Variants in ZSWIM5 observed in about 807,000 individuals in gnomAD.
ZSWIM5 encodes zinc finger SWIM domain-containing protein 5.
A neutral mutation model predicts 119.6 loss-of-function variants in ZSWIM5; 55 were observed. The ratio of observed to expected loss-of-function variants is 0.46; its 90% confidence interval spans 0.37 to 0.58. The LOEUF is 0.58. Among genes scored for constraint, ZSWIM5 ranks in the 20% least tolerant of loss-of-function variants. ZSWIM5 has a pLI of 0.00. For synonymous variants in ZSWIM5, 537 were observed against 606.9 expected (o/e 0.88, Z 1.69); for missense variants, 1,193 against 1,512.8 (o/e 0.79, Z 3.51).
chr1:45,157,149 G>C (rs76223070), intron 1 of ZSWIM5, among the ~76,000 whole-genome samples: 11 of 151,790 alleles, frequency 7.2e-5, no homozygotes, highest in African/African-American at 2.7e-4. Context: ...GTACTTTTCA[G>C]TAAGGTTTTT....
intron 1 of ZSWIM5, among the ~76,000 whole-genome samples, chr1:45,193,132 G>A (rs1646101754): frequency 6.6e-6 from 1 of 151,780 alleles, no homozygotes; most frequent in African/African-American, 2.4e-5. Context: ...GCTGATCTTT[G>A]GATTATTTGG....
At chr1:45,071,014 T>C (rs559894400) in intron 2 of ZSWIM5, among the ~76,000 whole-genome samples, 1 of 152,270 alleles carries the variant, frequency 6.6e-6, no homozygotes, top group East Asian at 1.9e-4. Flanking sequence ...TAGGTATATA[T>C]ATTTATGGGG....
intron 1 of ZSWIM5, among the ~76,000 whole-genome samples, chr1:45,168,238 A>G (rs1645920585): frequency 6.6e-6 from 1 of 151,452 alleles, no homozygotes; most frequent in East Asian, 1.9e-4. Context: ...AAAACCAAAC[A>G]CCCCGTGTTC....
intron 1 of ZSWIM5, among the ~76,000 whole-genome samples, chr1:45,099,515 G>T (rs1237922580): frequency 2.6e-5 from 4 of 152,074 alleles, no homozygotes; most frequent in Admixed American, 2.0e-4. Context: ...TTCCAATCAA[G>T]AGAAAAACAG....
Position 45,018,401 on chromosome 1 carries a change from A to C in ZSWIM5, c.*53T>G. 2 of 1,582,880 alleles carry C rather than the reference A, an allele frequency of 1.3e-6. No individual in the cohort carries two copies. The highest frequency in any genetic ancestry group is 1.7e-6 in the Non-Finnish European group (2 of 1,164,856). On this transcript the variant is annotated 3_prime_UTR_variant, in exon 14 of 14. Coordinates refer to ENST00000359600, the MANE Select transcript of ZSWIM5 (RefSeq NM_020883.2). The surrounding 1 kb of genome is among the most constrained non-coding windows in gnomAD (Gnocchi z 6.7). ...CAAATGTTTCAGTGCCCTTGGCCTGACCTGATACTACCTGGGAACCCAGGC... is the reference window on the plus strand; with the variant it reads ...CAAATGTTTCAGTGCCCTTGGCCTGCCCTGATACTACCTGGGAACCCAGGC...
chr1:45,183,827 T>C (rs1456640307), intron 1 of ZSWIM5, among the ~76,000 whole-genome samples: 10 of 152,070 alleles, frequency 6.6e-5, no homozygotes, highest in Non-Finnish European at 1.3e-4. Flanking sequence ...GGTACAAGGA[T>C]AAACTGGTAC....
At chr1:45,090,960 G>A (rs1409186461) in intron 1 of ZSWIM5, among the ~76,000 whole-genome samples, 1 of 152,166 alleles carries the variant, frequency 6.6e-6, no homozygotes, top group Non-Finnish European at 1.5e-5. Context: ...TAGGAATTAG[G>A]CAGCTAGAAC....
At chr1:45,168,940 A>T (rs1645927766) in intron 1 of ZSWIM5, among the ~76,000 whole-genome samples, 1 of 152,064 alleles carries the variant, frequency 6.6e-6, no homozygotes, top group Admixed American at 6.6e-5. Context: ...CATTCATTTT[A>T]TCTTACCTGC....
intron 1 of ZSWIM5, among the ~76,000 whole-genome samples, chr1:45,147,647 T>C (rs1044475660): frequency 2.5e-5 from 3 of 121,558 alleles, no homozygotes. Flanking sequence ...AAGGAAAAAA[T>C]GGGGATAGGA....
intron 3 of ZSWIM5, among the ~76,000 whole-genome samples, chr1:45,059,423 A>G (rs1645140853): frequency 1.3e-5 from 2 of 152,230 alleles, no homozygotes; most frequent in African/African-American, 4.8e-5. Flanking sequence ...TACTATATGA[A>G]TGATTCCATT....
At chr1:45,172,683 C>A (rs2149045772) in intron 1 of ZSWIM5, among the ~76,000 whole-genome samples, 1 of 152,178 alleles carries the variant, frequency 6.6e-6, no homozygotes, top group East Asian at 1.9e-4. Flanking sequence ...TATCCTCCCC[C>A]AAAAGGAACT....
At chr1:45,115,690 C>G (rs1645552212) in intron 1 of ZSWIM5, among the ~76,000 whole-genome samples, 1 of 147,180 alleles carries the variant, frequency 6.8e-6, no homozygotes, top group Non-Finnish European at 1.5e-5. Flanking sequence ...ACATCCCAGA[C>G]GATGGGCGGC....
chr1:45,113,619 ATTAG>A (rs541840624), intron 1 of ZSWIM5, among the ~76,000 whole-genome samples: 25 of 152,350 alleles, frequency 1.6e-4, no homozygotes, highest in Non-Finnish European at 2.6e-4. Flanking sequence ...AAGCAGAAAG[ATTAG>A]TTAGGAGGCT....
At chr1:45,103,341 C>T (rs1175817959) in intron 1 of ZSWIM5, among the ~76,000 whole-genome samples, 3 of 152,156 alleles carry the variant, frequency 2.0e-5, no homozygotes, top group African/African-American at 4.8e-5. Flanking sequence ...TAATTAAATG[C>T]TCAAAGCAAC....
chr1:45,040,835 A>G (rs1645014190), intron 6 of ZSWIM5, among the ~76,000 whole-genome samples: 1 of 152,204 alleles, frequency 6.6e-6, no homozygotes, highest in Admixed American at 6.5e-5. Context: ...TGGGAAACCA[A>G]TGGAGGTAGC....
intron 2 of ZSWIM5, chr1:45,070,009 T>G: frequency 4.0e-6 from 3 of 755,486 alleles, no homozygotes; most frequent in Middle Eastern, 2.9e-4. Flanking sequence ...AGTTTCATTC[T>G]CATGAATACT....
intron 5 of ZSWIM5, among the ~76,000 whole-genome samples, chr1:45,044,834 T>C (rs370954131): frequency 0.01 from 64 of 6,172 alleles, 14 homozygotes; most frequent in African/African-American, 0.057. Flanking sequence ...TATATATATA[T>C]AAATATATAT....
chr1:45,102,804 T>C (rs770087914), intron 1 of ZSWIM5, among the ~76,000 whole-genome samples: 14 of 152,340 alleles, frequency 9.2e-5, no homozygotes, highest in Non-Finnish European at 1.9e-4. Context: ...TGGTATAATA[T>C]TGAAACACCA....
At chr1:45,074,104 C>T (rs1021574757) in intron 2 of ZSWIM5, among the ~76,000 whole-genome samples, 1 of 151,904 alleles carries the variant, frequency 6.6e-6, no homozygotes, top group African/African-American at 2.4e-5. Context: ...GATAAATGAT[C>T]TTTTTAATGT....
Sources: gnomAD v4.1 joint callset for allele counts (sites outside exome capture counted in the v4.1 genomes callset) on GRCh38, gnomAD v4.1.1 for gene constraint, Gnocchi (gnomAD v3.1) non-coding constraint, MANE v1.5 for transcripts, NCBI Gene and HGNC (gene_info 2026-07-23, HGNC 2026-07-21) for gene names.